Variants in ATXN10 observed in about 807,000 individuals in gnomAD.
ATXN10 encodes ataxin 10.
ATXN10 carries 28 observed loss-of-function variants against 52.9 expected under a neutral mutation model. The observed-to-expected ratio is 0.53, with a 90% CI of 0.39 to 0.73. ATXN10 has a LOEUF of 0.73. ATXN10 is among the 30% of genes least tolerant of loss of function. ATXN10 has a pLI of 0.00. For missense variants in ATXN10, 565 were observed against 577.0 expected, an observed-to-expected ratio of 0.98 and a Z score of 0.21; for synonymous variants, 226 against 221.5, an observed-to-expected ratio of 1.02 and a Z score of -0.18.
In ATXN10 at chr22:45,795,420, A is replaced by ATTCTT. The variant is rs1366937539; in HGVS notation, c.1174-11536_1174-11532dup. ...ATTCTATTCTATTCTATTCTATTCT[A>ATTCTT]TTCTTTTTGAGATGAAGTCTCTCTA... On this transcript the variant is annotated intron_variant, in intron 9 of 11. Transcript: ENST00000252934. This position sits in a 1 kb window ranked among gnomAD's most constrained non-coding sequence, Gnocchi z 4.6. 2.3e-5 allele frequency among the ~76,000 whole-genome samples: 3 copies of ATTCTT among 130,290 alleles called. No individual in the cohort carries two copies. Among genetic ancestry groups the ATTCTT allele is most frequent in the Admixed American group, 7.6e-5 (1 of 13,226 alleles). 85.5% of individuals were successfully genotyped at this position (130,290 alleles called of 152,430 possible). A position where few individuals can be genotyped will look rare whatever the true frequency, so the allele number is the denominator to read the frequency against.
chr22:45,697,139 A>G (rs1923640517), intron 3 of ATXN10, among the ~76,000 whole-genome samples: 2 of 152,004 alleles, frequency 1.3e-5, no homozygotes, highest in African/African-American at 4.8e-5. Context: ...ATTAAAAAAA[A>G]AATTTTTTTT....
Position 45,780,699 on chromosome 22 carries a change from G to A in ATXN10, c.1174-26260G>A, listed in dbSNP as rs1161556833. ...TTGCACAAATATATCCTAATCTTCT[G>A]AAATTTAAACCTGGATCAGTGACTT... On this transcript the variant is annotated intron_variant, in intron 9 of 11. Coordinates refer to ENST00000252934, the MANE Select transcript of ATXN10 (RefSeq NM_013236.4). This position sits in a 1 kb window ranked among gnomAD's most constrained non-coding sequence, Gnocchi z 4.0. Among the ~76,000 whole-genome samples the A allele has an allele frequency of 6.6e-6, 1 of 152,202 alleles. No individual in the cohort carries two copies. Among genetic ancestry groups the A allele is most frequent in the Admixed American group, 6.5e-5 (1 of 15,282 alleles).
intron 9 of ATXN10, among the ~76,000 whole-genome samples, chr22:45,792,130 A>T (rs550051994): frequency 1.8e-4 from 27 of 152,332 alleles, no homozygotes; most frequent in South Asian, 1.2e-3. Context: ...CAAAAATTTT[A>T]AAAAAGTCTA....
At chr22:45,730,755 T>C (rs191251126) in intron 7 of ATXN10, among the ~76,000 whole-genome samples, 1 of 152,350 alleles carries the variant, frequency 6.6e-6, no homozygotes, top group African/African-American at 2.4e-5. Flanking sequence ...TTCTTATTTC[T>C]ACTTATTTTA....
At position 45,786,223 on chromosome 22, in the gene ATXN10, C is replaced by T. The variant is rs569637817; in HGVS notation, c.1174-20736C>T. ...ACATTGTGTTTTGTACTTCCGGGTA[C>T]TTTAAGAGCCTCTGCCATTACTATT... On this transcript the variant is annotated intron_variant, in intron 9 of 11. Transcript: ENST00000252934. This position sits in a 1 kb window ranked among gnomAD's most constrained non-coding sequence, Gnocchi z 4.1. Among the ~76,000 whole-genome samples the T allele has an allele frequency of 2.1e-4, 32 of 152,302 alleles. No individual in the cohort carries two copies. The East Asian group carries it at 6.0e-3, about 28-fold the overall frequency.
Position 45,712,173 on chromosome 22 carries a change from C to T in ATXN10, c.648-6240C>T, listed in dbSNP as rs1177669931. Among the ~76,000 whole-genome samples the T allele has an allele frequency of 2.6e-5, 4 of 152,130 alleles. No homozygotes were observed. Among genetic ancestry groups the T allele is most frequent in the Admixed American group, 2.6e-4 (4 of 15,278 alleles). On this transcript the variant is annotated intron_variant, in intron 5 of 11. Coordinates refer to ENST00000252934, the MANE Select transcript of ATXN10 (RefSeq NM_013236.4). This position sits in a 1 kb window ranked among gnomAD's most constrained non-coding sequence, Gnocchi z 4.6. ...TTGTTAGGGTGTGCAGTCAGGTGACCTCCCCTGGGGGCACAGGCTGTCAGG... is the reference window on the plus strand; with the variant it reads ...TTGTTAGGGTGTGCAGTCAGGTGACTTCCCCTGGGGGCACAGGCTGTCAGG...
chr22:45,706,125 G>C (rs1924032988), intron 5 of ATXN10, among the ~76,000 whole-genome samples: 1 of 152,122 alleles, frequency 6.6e-6, no homozygotes, highest in Non-Finnish European at 1.5e-5. Context: ...TGGAAAAATT[G>C]TCTTTCATGA....
rs1928898894 is a variant in ATXN10 at position 45,828,798 on chromosome 22, C to T, written c.1238-14193C>T. 6.6e-6 allele frequency among the ~76,000 whole-genome samples: 1 copy of T among 152,126 alleles called. No individual in the cohort carries two copies. The highest frequency in any genetic ancestry group is 2.4e-5 in the African/African-American group (1 of 41,416). ...AAATCTCACAAAGAAAAGCCCTAAACCTGATGCCTTCACTGGTGAATTCTA... is the reference window on the plus strand; with the variant it reads ...AAATCTCACAAAGAAAAGCCCTAAATCTGATGCCTTCACTGGTGAATTCTA... On this transcript the variant is annotated intron_variant, in intron 10 of 11. Coordinates refer to ENST00000252934, the MANE Select transcript of ATXN10 (RefSeq NM_013236.4). This position sits in a 1 kb window ranked among gnomAD's most constrained non-coding sequence, Gnocchi z 4.5.
intron 9 of ATXN10, among the ~76,000 whole-genome samples, chr22:45,741,062 A>G (rs1020247572): frequency 6.6e-6 from 1 of 152,192 alleles, no homozygotes; most frequent in East Asian, 1.9e-4. Context: ...AGAGAATGGT[A>G]AGAAAGATCT....
chr22:45,740,296 A>G (rs1925458818), intron 8 of ATXN10, 73 bp from the exon 9 acceptor site: 4 of 1,442,286 alleles, frequency 2.8e-6, no homozygotes, highest in African/African-American at 1.4e-5. Flanking sequence ...AGATTTGTCT[A>G]TGGAAAACTA....
At chr22:45,698,423 G>T (rs1923706884) in intron 3 of ATXN10, among the ~76,000 whole-genome samples, 1 of 152,154 alleles carries the variant, frequency 6.6e-6, no homozygotes, top group Admixed American at 6.5e-5. Context: ...TTGGAGAAAT[G>T]TCTATTTGAG....
rs1441547582 is a variant in ATXN10, at chr22:45,835,799, A to G, written c.1238-7192A>G. Among the ~76,000 whole-genome samples the G allele has an allele frequency of 1.3e-5, 2 of 152,190 alleles. No homozygotes were observed. The highest frequency in any genetic ancestry group is 2.4e-5 in the African/African-American group (1 of 41,448). On this transcript the variant is annotated intron_variant, in intron 10 of 11. Coordinates refer to ENST00000252934, the MANE Select transcript of ATXN10 (RefSeq NM_013236.4). This position sits in a 1 kb window ranked among gnomAD's most constrained non-coding sequence, Gnocchi z 5.0. The stretch of plus-strand genomic sequence containing the variant: ...CTCTATATTCTTCAGATTGTAACCT[A>G]TAATTTCCAAATCTGACAATTATTT...
chr22:45,743,658 T>G (rs1433765588), intron 9 of ATXN10, among the ~76,000 whole-genome samples: 1 of 152,244 alleles, frequency 6.6e-6, no homozygotes, highest in Non-Finnish European at 1.5e-5. Flanking sequence ...TCGTATCATC[T>G]AGCCTAATTT....
intron 9 of ATXN10, among the ~76,000 whole-genome samples, chr22:45,742,546 C>A (rs1925575996): frequency 6.6e-6 from 1 of 151,654 alleles, no homozygotes; most frequent in Non-Finnish European, 1.5e-5. Context: ...AAAAAAAATA[C>A]CGAATGTGCT....
At position 45,818,642 on chromosome 22, in the gene ATXN10, AG is replaced by A. The variant is rs1380129751; in HGVS notation, c.1237+11625del. ...CAGCCTGGGGCAGGGATCAGGGATC[AG>A]GGGGCAGGGATCATCACGCAGGAAG... On this transcript the variant is annotated intron_variant, in intron 10 of 11. Transcript: ENST00000252934. The surrounding 1 kb of genome is among the most constrained non-coding windows in gnomAD (Gnocchi z 4.6). 6.6e-6 allele frequency among the ~76,000 whole-genome samples: 1 copy of A among 151,990 alleles called. No homozygotes were observed. The highest frequency in any genetic ancestry group is 1.5e-5 in the Non-Finnish European group (1 of 67,984).
Position 45,784,690 on chromosome 22 carries a change from C to G in ATXN10, c.1174-22269C>G, listed in dbSNP as rs1927263105. Among the ~76,000 whole-genome samples the G allele has an allele frequency of 6.6e-6, 1 of 152,320 alleles. No individual in the cohort carries two copies. Among genetic ancestry groups the G allele is most frequent in the Non-Finnish European group, 1.5e-5 (1 of 68,018 alleles). ...CTTAGAGCAGGGCCCAAATTGACCT[C>G]ATGGCTATTCTTACACATTCCAGAT... On this transcript the variant is annotated intron_variant, in intron 9 of 11. Coordinates refer to ENST00000252934, the MANE Select transcript of ATXN10 (RefSeq NM_013236.4). The surrounding 1 kb of genome is among the most constrained non-coding windows in gnomAD (Gnocchi z 4.2).
rs912236286 is a variant in ATXN10 at position 45,728,739 on chromosome 22, G to C, written c.729-686G>C. 1.3e-5 allele frequency among the ~76,000 whole-genome samples: 2 copies of C among 152,178 alleles called. No individual in the cohort carries two copies. Among genetic ancestry groups the C allele is most frequent in the African/African-American group, 4.8e-5 (2 of 41,452 alleles). ...TTTTTCCTAGGAGAAGGAAAGAGAT[G>C]GTTGAAAAGAAATATTTATTTGGTA... is the stretch of plus-strand genomic sequence containing the variant. On this transcript the variant is annotated intron_variant, in intron 6 of 11. Coordinates refer to ENST00000252934, the MANE Select transcript of ATXN10 (RefSeq NM_013236.4). The surrounding 1 kb of genome is among the most constrained non-coding windows in gnomAD (Gnocchi z 4.3).
At chr22:45,760,272 G>C (rs773474105) in intron 9 of ATXN10, among the ~76,000 whole-genome samples, 2 of 152,296 alleles carry the variant, frequency 1.3e-5, no homozygotes, top group South Asian at 2.1e-4. Context: ...GCATCTGAGA[G>C]TGTGCCCTCA....
At chr22:45,747,838 T>C (rs1458796900) in intron 9 of ATXN10, among the ~76,000 whole-genome samples, 1 of 152,088 alleles carries the variant, frequency 6.6e-6, no homozygotes, top group East Asian at 1.9e-4. Context: ...CCTAGTACTT[T>C]CGGAAGCCGA....
Sources: gnomAD v4.1 joint callset for allele counts (sites outside exome capture counted in the v4.1 genomes callset) on GRCh38, gnomAD v4.1.1 for gene constraint, Gnocchi (gnomAD v3.1) non-coding constraint, MANE v1.5 for transcripts, NCBI Gene and HGNC (gene_info 2026-07-23, HGNC 2026-07-21) for gene names.